TBC1D23: variants seen among roughly 807,000 people sequenced by gnomAD.
The protein encoded by TBC1D23 is HCV non-structural protein 4A-transactivated protein 1.
Under a neutral mutation model 91.4 loss-of-function variants are expected in TBC1D23, and 55 were observed. That is an observed-to-expected ratio of 0.60 (90% CI 0.48 to 0.75). The LOEUF is 0.75. TBC1D23 is among the 30% of genes least tolerant of loss of function. The pLI is 0.00. For missense variants in TBC1D23, 725 were observed against 836.1 expected (o/e 0.87, Z 1.64); for synonymous variants, 289 against 281.0 (o/e 1.03, Z -0.28).
chr3:100,287,415 G>A (rs75612051), intron 4 of TBC1D23, among the ~76,000 whole-genome samples: 6,860 of 152,292 alleles, frequency 0.045, 206 homozygotes, highest in Middle Eastern at 0.082. Context: ...GTTGTTAAAT[G>A]AATAATTGCT....
At position 100,279,142 on chromosome 3, in the gene TBC1D23, C is replaced by T. The variant is rs146930879; in HGVS notation, c.54-507C>T. ...TAATACTGGTAAACACCTAAAAGAA[C>T]AGTAACTTTTTAATACCAATGAAGT... On this transcript the variant is annotated intron_variant, in intron 1 of 18. Coordinates refer to ENST00000394144, the MANE Select transcript of TBC1D23 (RefSeq NM_001199198.3). 4.7e-3 allele frequency among the ~76,000 whole-genome samples: 711 copies of T among 152,276 alleles called. 2 individuals carry two copies. The highest frequency in any genetic ancestry group is 6.4e-3 in the Non-Finnish European group (432 of 68,012).
chr3:100,273,863 A>T (rs181657930), intron 1 of TBC1D23, among the ~76,000 whole-genome samples: 36 of 152,296 alleles, frequency 2.4e-4, no homozygotes, highest in African/African-American at 8.2e-4. Context: ...ACAAAAATCA[A>T]CTCAAGATGG....
chr3:100,279,891 C>A, intron 2 of TBC1D23, 131 bp downstream of exon 2: 1 of 563,526 alleles, frequency 1.8e-6, no homozygotes, highest in Non-Finnish European at 3.2e-6. Flanking sequence ...ATTTATCAAA[C>A]AGCAGCTTAT....
At chr3:100,316,585 T>G (rs575637859) in intron 16 of TBC1D23, among the ~76,000 whole-genome samples, 2 of 152,272 alleles carry the variant, frequency 1.3e-5, no homozygotes, top group East Asian at 3.9e-4. Context: ...GTGGAAATAG[T>G]ATTTAAATCC....
chr3:100,311,341 G>C (rs1705620394), intron 14 of TBC1D23, among the ~76,000 whole-genome samples: 3 of 152,110 alleles, frequency 2.0e-5, no homozygotes, highest in African/African-American at 7.2e-5. Flanking sequence ...TAGTATATAT[G>C]CATACAAAAG....
At chr3:100,319,264 A>G (rs1705808151) in intron 17 of TBC1D23, 60 bp downstream of exon 17, 1 of 1,365,404 alleles carries the variant, frequency 7.3e-7, no homozygotes, top group Non-Finnish European at 1.0e-6. Context: ...TAATAATACA[A>G]AACTGAACTA....
chr3:100,313,174 T>C (rs906776220), intron 15 of TBC1D23, among the ~76,000 whole-genome samples: 17 of 152,180 alleles, frequency 1.1e-4, no homozygotes, highest in Admixed American at 1.3e-4. Flanking sequence ...TGTTTTAAAA[T>C]TACAATCTAT....
intron 18 of TBC1D23, among the ~76,000 whole-genome samples, chr3:100,322,395 A>G (rs576851119): frequency 5.3e-5 from 8 of 152,304 alleles, no homozygotes. Context: ...GCCCGGCCCA[A>G]TAAATATAAA....
At chr3:100,275,248 T>G (rs184882460) in intron 1 of TBC1D23, among the ~76,000 whole-genome samples, 18 of 148,080 alleles carry the variant, frequency 1.2e-4, no homozygotes, top group African/African-American at 3.2e-4. Context: ...TTATTTTGTG[T>G]TTTTTTTTTG....
intron 2 of TBC1D23, among the ~76,000 whole-genome samples, chr3:100,281,272 A>T (rs1321275905): frequency 2.6e-5 from 4 of 152,204 alleles, no homozygotes; most frequent in African/African-American, 9.7e-5. Context: ...TAGTAGGTCT[A>T]CCTGTTGCAT....
chr3:100,280,792 T>C (rs2067687457), intron 2 of TBC1D23, among the ~76,000 whole-genome samples: 1 of 152,196 alleles, frequency 6.6e-6, no homozygotes, highest in Non-Finnish European at 1.5e-5. Context: ...CATCCTTTCC[T>C]CCCCACCCAA....
chr3:100,305,312 T>C (rs986771901), intron 12 of TBC1D23, among the ~76,000 whole-genome samples: 6 of 152,136 alleles, frequency 3.9e-5, no homozygotes, highest in Admixed American at 2.6e-4. Flanking sequence ...AAATGTTAGC[T>C]AAGTGGAACA....
intron 1 of TBC1D23, among the ~76,000 whole-genome samples, chr3:100,262,483 G>T (rs747776535): frequency 6.6e-6 from 1 of 152,182 alleles, no homozygotes. Flanking sequence ...CCAGCACTTT[G>T]GGAGGCCGAG....
At chr3:100,280,581 G>C (rs930924395) in intron 2 of TBC1D23, among the ~76,000 whole-genome samples, 1 of 152,078 alleles carries the variant, frequency 6.6e-6, no homozygotes, top group Non-Finnish European at 1.5e-5. Flanking sequence ...ATGAGGTCTT[G>C]GTGCTTACCT....
At chr3:100,309,940 A>G (rs987997173) in intron 13 of TBC1D23, among the ~76,000 whole-genome samples, 19 of 152,120 alleles carry the variant, frequency 1.2e-4, no homozygotes, top group African/African-American at 4.3e-4. Flanking sequence ...GATTTCACCT[A>G]ATGAATTAGT....
At chr3:100,274,856 TTG>T (rs1227159952) in intron 1 of TBC1D23, among the ~76,000 whole-genome samples, 1 of 149,148 alleles carries the variant, frequency 6.7e-6, no homozygotes, top group Non-Finnish European at 1.5e-5. Context: ...TATATAATAT[TTG>T]TTTATTAATT....
intron 8 of TBC1D23, 86 bp from the exon 9 acceptor site, chr3:100,297,837 C>A: frequency 8.7e-7 from 1 of 1,152,026 alleles, no homozygotes; most frequent in South Asian, 1.6e-5. Context: ...TATAATTTTA[C>A]CTTTTATCAT....
intron 16 of TBC1D23, 77 bp from the exon 17 acceptor site, chr3:100,318,992 A>AT (rs1705803513): frequency 2.0e-6 from 2 of 984,062 alleles, no homozygotes; most frequent in South Asian, 1.8e-5. Context: ...TACTACTGAA[A>AT]TTTTTTTAGA....
intron 1 of TBC1D23, among the ~76,000 whole-genome samples, chr3:100,264,881 A>G (rs1286155901): frequency 6.6e-6 from 1 of 152,186 alleles, no homozygotes; most frequent in Non-Finnish European, 1.5e-5. Flanking sequence ...GGAGCTTGTT[A>G]AAATGCTCTC....
Sources: allele counts gnomAD v4.1 joint callset (sites outside exome capture counted in the v4.1 genomes callset), GRCh38; gene constraint gnomAD v4.1.1; transcripts MANE v1.5; gene names NCBI Gene and HGNC (gene_info 2026-07-23, HGNC 2026-07-21).